Variants in CHRM2 observed in about 807,000 individuals in gnomAD.
CHRM2 encodes muscarinic acetylcholine receptor M2.
A neutral mutation model predicts 25.0 loss-of-function variants in CHRM2; 8 were observed. That is an observed-to-expected ratio of 0.32 (90% CI 0.19 to 0.58). The LOEUF is 0.58. CHRM2 is among the 20% of genes least tolerant of loss of function. The pLI is 0.88. For synonymous variants in CHRM2, 202 were observed against 205.7 expected (o/e 0.98, Z 0.15); for missense variants, 440 against 567.1 (o/e 0.78, Z 2.28).
intron 2 of CHRM2, chr7:136,902,058 T>C (rs1004092155): frequency 2.6e-5 from 4 of 152,192 alleles, no homozygotes; most frequent in Non-Finnish European, 4.4e-5. Context: ...AAGGGTTGTT[T>C]ATAACAGTCC....
intron 2 of CHRM2, among the ~76,000 whole-genome samples, chr7:136,966,505 TG>T (rs1801424730): frequency 1.3e-5 from 2 of 151,928 alleles, no homozygotes; most frequent in South Asian, 4.1e-4. Flanking sequence ...TAGGTGAACA[TG>T]ATACTAAATA....
chr7:136,935,135 G>A (rs1799337142), intron 2 of CHRM2, among the ~76,000 whole-genome samples: 1 of 152,008 alleles, frequency 6.6e-6, no homozygotes, highest in African/African-American at 2.4e-5. Context: ...GAAGAGCCAG[G>A]GAAATTGCAG....
At chr7:136,995,146 C>T (rs570112787) in intron 3 of CHRM2, among the ~76,000 whole-genome samples, 185 of 152,140 alleles carry the variant, frequency 1.2e-3, no homozygotes, top group African/African-American at 3.8e-3. Flanking sequence ...AAGTACAAAA[C>T]TAATAATTTT....
chr7:136,973,589 G>A (rs1292682464), intron 2 of CHRM2, among the ~76,000 whole-genome samples: 9 of 109,904 alleles, frequency 8.2e-5, no homozygotes. Flanking sequence ...AGGGATGGTG[G>A]TAGGTGATGA....
In CHRM2 at chr7:137,018,976, G is replaced by C. The variant is rs775555304; in HGVS notation, c.*2710G>C. ...TTAGCAATGTGTAAAGACATTTTTG[G>C]TTGCCACACTGGGAGGAATGCTATT... On this transcript the variant is annotated 3_prime_UTR_variant, in exon 4 of 4. Transcript: ENST00000680005. 12 of 151,866 alleles carry C rather than the reference G, an allele frequency of 7.9e-5. No homozygotes were observed. Among genetic ancestry groups the C allele is most frequent in the Non-Finnish European group, 1.6e-4 (11 of 67,906 alleles). 9.4% of individuals were successfully genotyped at this position (151,866 alleles called of 1,614,324 possible).
chr7:137,000,542 A>AGG (rs1803937584), intron 3 of CHRM2, among the ~76,000 whole-genome samples: 1 of 136,630 alleles, frequency 7.3e-6, no homozygotes, highest in Non-Finnish European at 1.6e-5. Context: ...AAAGAAAAGA[A>AGG]AGAAAGAAGG....
chr7:136,870,164 C>G (rs1795762114), intron 2 of CHRM2: 1 of 152,396 alleles, frequency 6.6e-6, no homozygotes. Flanking sequence ...CAGACAGTGC[C>G]TGGGCTTCGC....
chr7:136,944,338 T>C (rs1018463409), intron 2 of CHRM2, among the ~76,000 whole-genome samples: 2 of 134,292 alleles, frequency 1.5e-5, no homozygotes, highest in African/African-American at 3.2e-5. Context: ...GAACATACAA[T>C]GTTTGTTTTT....
intron 2 of CHRM2, among the ~76,000 whole-genome samples, chr7:136,963,993 G>A (rs1801256557): frequency 6.6e-6 from 1 of 152,036 alleles, no homozygotes; most frequent in African/African-American, 2.4e-5. Flanking sequence ...GGGTTCTTGT[G>A]GTATTTAGTC....
chr7:136,870,368 C>T (rs1360325503), intron 2 of CHRM2: 1 of 152,614 alleles, frequency 6.6e-6, no homozygotes. Context: ...CGCAGAAATT[C>T]CACCTGTGCG....
intron 3 of CHRM2, among the ~76,000 whole-genome samples, chr7:137,001,992 G>A (rs1430157730): frequency 6.6e-6 from 1 of 152,042 alleles, no homozygotes; most frequent in Non-Finnish European, 1.5e-5. Flanking sequence ...AGGAAAGAAT[G>A]AATACATATG....
Position 137,015,142 on chromosome 7 carries a change from C to A in CHRM2, c.277C>A (p.Pro93Thr), listed in dbSNP as rs1805087247. Residue 93 changes from proline (P) to threonine (T), a missense_variant, in exon 4 of 4, where the codon CCT becomes ACT. This residue lies in a region of CHRM2 where 86 missense variants were observed against 124.9 expected (regional missense o/e 0.69). Coordinates refer to ENST00000680005, the MANE Select transcript of CHRM2 (RefSeq NM_001006630.2). This position sits in a 1 kb window ranked among gnomAD's most constrained non-coding sequence, Gnocchi z 5.1. ...TGTGATTGGTTACTGGCCTTTGGGACCTGTGGTGTGTGACCTTTGGCTAGC... is the reference window on the plus strand; with the variant it reads ...TGTGATTGGTTACTGGCCTTTGGGAACTGTGGTGTGTGACCTTTGGCTAGC... ...YTVIGYWPLGPVVCDLWLALD... is the reference protein window; with the variant it reads ...YTVIGYWPLGTVVCDLWLALD... 3 of 1,613,532 alleles carry A rather than the reference C, an allele frequency of 1.9e-6. No homozygotes were observed. Among genetic ancestry groups the A allele is most frequent in the Non-Finnish European group, 2.5e-6 (3 of 1,179,660 alleles).
At chr7:136,906,482 A>G (rs1322204884) in intron 2 of CHRM2, among the ~76,000 whole-genome samples, 1 of 151,614 alleles carries the variant, frequency 6.6e-6, no homozygotes, top group Non-Finnish European at 1.5e-5. Flanking sequence ...TAAACCACAC[A>G]TTTGGTTTTT....
intron 2 of CHRM2, among the ~76,000 whole-genome samples, chr7:136,905,904 A>G (rs976866881): frequency 4.0e-5 from 6 of 151,396 alleles, no homozygotes; most frequent in African/African-American, 1.5e-4. Context: ...ACTGTATTTT[A>G]TCATTCCATG....
At chr7:136,937,647 T>G (rs148488318) in intron 2 of CHRM2, among the ~76,000 whole-genome samples, 2 of 152,168 alleles carry the variant, frequency 1.3e-5, no homozygotes, top group East Asian at 1.9e-4. Context: ...TCTGGTTCAG[T>G]ATAATTAGGT....
intron 2 of CHRM2, among the ~76,000 whole-genome samples, chr7:136,918,465 T>A (rs1798243483): frequency 1.3e-5 from 2 of 152,158 alleles, no homozygotes; most frequent in Admixed American, 6.6e-5. Flanking sequence ...TCTTTTATAA[T>A]TCATACTCCT....
chr7:136,909,230 TAAAC>T (rs1563059507), intron 2 of CHRM2, among the ~76,000 whole-genome samples: 3 of 151,960 alleles, frequency 2.0e-5, no homozygotes, highest in African/African-American at 7.2e-5. Flanking sequence ...ATATTTGTGA[TAAAC>T]AAAAAGGAGA....
chr7:136,877,179 G>A (rs1033173402), intron 2 of CHRM2, among the ~76,000 whole-genome samples: 1 of 151,982 alleles, frequency 6.6e-6, no homozygotes, highest in East Asian at 1.9e-4. Flanking sequence ...ATTAGGGCCC[G>A]GACAGAGAGC....
At chr7:136,998,094 C>A (rs1320339875) in intron 3 of CHRM2, among the ~76,000 whole-genome samples, 1 of 152,152 alleles carries the variant, frequency 6.6e-6, no homozygotes, top group Middle Eastern at 3.2e-3. Flanking sequence ...ATCTCTTGCT[C>A]CAATGCTACA....
Sources: allele counts gnomAD v4.1 joint callset (sites outside exome capture counted in the v4.1 genomes callset), GRCh38; gene constraint gnomAD v4.1.1; regional missense constraint gnomAD v4.1.1; non-coding constraint Gnocchi (gnomAD v3.1); transcripts MANE v1.5; gene names NCBI Gene and HGNC (gene_info 2026-07-23, HGNC 2026-07-21).